Variants in CDH12 observed in about 807,000 individuals in gnomAD.
CDH12 encodes cadherin 12.
In CDH12, 41 loss-of-function variants were observed where a neutral mutation model predicts 74.1. The ratio of observed to expected loss-of-function variants is 0.55; its 90% CI spans 0.43 to 0.72. CDH12 has a LOEUF of 0.72. CDH12 is among the 30% of genes least tolerant of loss of function. The pLI, the probability that CDH12 is intolerant of heterozygous loss-of-function variation, is 0.00. For synonymous variants in CDH12, 399 were observed against 355.0 expected, an observed-to-expected ratio of 1.12 and a Z score of -1.39; for missense variants, 945 against 977.2, an observed-to-expected ratio of 0.97 and a Z score of 0.44.
chr5:21,905,470 G>A (rs145117976), intron 6 of CDH12, among the ~76,000 whole-genome samples: 45 of 152,254 alleles, frequency 3.0e-4, no homozygotes, highest in African/African-American at 1.0e-3. Flanking sequence ...TTTCCTCAGT[G>A]ATACATTGGA....
At position 22,366,163 on chromosome 5, in the gene CDH12, T is replaced by C. The variant is rs375246711; in HGVS notation, c.-333+39094A>G. On this transcript the variant is annotated intron_variant, in intron 3 of 14. Coordinates refer to ENST00000382254, the MANE Select transcript of CDH12 (RefSeq NM_004061.5). ...TAGTAGAGATGGGTTTTCACTGTGTTGACCAGGCTGGTGTTGAACTCCTGA... is the reference window on the plus strand; with the variant it reads ...TAGTAGAGATGGGTTTTCACTGTGTCGACCAGGCTGGTGTTGAACTCCTGA... Among the ~76,000 whole-genome samples, 5 of 152,282 alleles carry C rather than the reference T, an allele frequency of 3.3e-5. No individual in the cohort carries two copies. The South Asian group carries it at 1.0e-3, about 32-fold the overall frequency.
At chr5:22,681,433 T>C (rs1465092346) in intron 1 of CDH12, among the ~76,000 whole-genome samples, 1 of 152,010 alleles carries the variant, frequency 6.6e-6, no homozygotes, top group Non-Finnish European at 1.5e-5. Flanking sequence ...CATGCCTGAG[T>C]AGTATATTGT....
chr5:22,587,480 G>T (rs1740461974), intron 1 of CDH12, among the ~76,000 whole-genome samples: 1 of 152,158 alleles, frequency 6.6e-6, no homozygotes, highest in Non-Finnish European at 1.5e-5. Flanking sequence ...ATTTCATCAA[G>T]GGCTAGCTGT....
At chr5:22,817,154 G>C (rs1411547176) in intron 1 of CDH12, among the ~76,000 whole-genome samples, 2 of 151,968 alleles carry the variant, frequency 1.3e-5, no homozygotes, top group Non-Finnish European at 2.9e-5. Context: ...TATTAGAAAT[G>C]TATTATATAA....
intron 1 of CDH12, among the ~76,000 whole-genome samples, chr5:22,552,241 T>C (rs960588745): frequency 3.3e-5 from 5 of 152,140 alleles, no homozygotes; most frequent in African/African-American, 1.2e-4. Flanking sequence ...CCCAAGCTCA[T>C]GTTTTCCTAA....
intron 1 of CDH12, among the ~76,000 whole-genome samples, chr5:22,781,356 G>A (rs186797382): frequency 8.0e-4 from 122 of 152,280 alleles, no homozygotes; most frequent in Middle Eastern, 3.4e-3. Context: ...AATTGAAATT[G>A]GAAAGTGCCT....
chr5:21,995,960 C>G (rs1736262977), intron 5 of CDH12, among the ~76,000 whole-genome samples: 1 of 152,010 alleles, frequency 6.6e-6, no homozygotes, highest in Non-Finnish European at 1.5e-5. Flanking sequence ...GTCTTGAATC[C>G]TTCCCTGAGT....
chr5:22,109,617 C>A (rs1179091426), intron 4 of CDH12, among the ~76,000 whole-genome samples: 1 of 152,226 alleles, frequency 6.6e-6, no homozygotes, highest in East Asian at 1.9e-4. Flanking sequence ...AAGCACTTTA[C>A]AGTCCTTAAC....
At chr5:22,626,939 T>C (rs550991511) in intron 1 of CDH12, among the ~76,000 whole-genome samples, 2 of 152,080 alleles carry the variant, frequency 1.3e-5, no homozygotes, top group African/African-American at 4.8e-5. Context: ...AAAAACACTG[T>C]AAGAATTTCA....
At chr5:22,366,513 T>A (rs1394396631) in intron 3 of CDH12, among the ~76,000 whole-genome samples, 1 of 152,110 alleles carries the variant, frequency 6.6e-6, no homozygotes, top group East Asian at 1.9e-4. Context: ...GGAGATAAAG[T>A]TTAGAAAAAT....
intron 5 of CDH12, among the ~76,000 whole-genome samples, chr5:22,054,847 CT>C (rs1740629244): frequency 6.6e-6 from 1 of 152,108 alleles, no homozygotes; most frequent in Admixed American, 6.6e-5. Context: ...GACAGTGATA[CT>C]GTTTTAGACT....
At chr5:22,255,839 A>G (rs1417566173) in intron 3 of CDH12, among the ~76,000 whole-genome samples, 1 of 152,056 alleles carries the variant, frequency 6.6e-6, no homozygotes, top group Non-Finnish European at 1.5e-5. Context: ...TAACATCAGT[A>G]TAACTGTTAG....
rs559366191 is a variant in CDH12, at chr5:22,608,144, C to A, written c.-522-102780G>T. 8.9e-4 allele frequency among the ~76,000 whole-genome samples: 136 copies of A among 152,290 alleles called. 1 individual carries two copies. Among genetic ancestry groups the A allele is most frequent in the African/African-American group, 3.2e-3 (132 of 41,584 alleles). On this transcript the variant is annotated intron_variant, in intron 1 of 14. Coordinates refer to ENST00000382254, the MANE Select transcript of CDH12 (RefSeq NM_004061.5). ...AGCTTGCACCATGTGCCTGTAAAAG[C>A]TGCAGACACTCAATGCCAGCCCATA...
intron 1 of CDH12, among the ~76,000 whole-genome samples, chr5:22,700,559 T>C (rs1742663555): frequency 6.6e-6 from 1 of 152,244 alleles, no homozygotes; most frequent in African/African-American, 2.4e-5. Context: ...TGGCAAAGTT[T>C]CTTATCGCCT....
chr5:22,144,545 C>A (rs1372066598), intron 4 of CDH12, among the ~76,000 whole-genome samples: 2 of 151,984 alleles, frequency 1.3e-5, no homozygotes, highest in African/African-American at 4.8e-5. Context: ...AGATTTTGCA[C>A]TAAAAGTAAA....
intron 4 of CDH12, among the ~76,000 whole-genome samples, chr5:22,204,868 T>A (rs1751133559): frequency 6.6e-6 from 1 of 152,178 alleles, no homozygotes; most frequent in African/African-American, 2.4e-5. Flanking sequence ...TCAGGAGCTA[T>A]TTTTTGTGCA....
chr5:22,298,662 C>T (rs1373374), intron 3 of CDH12, among the ~76,000 whole-genome samples: 9,218 of 152,138 alleles, frequency 0.061, 473 homozygotes, highest in African/African-American at 0.14. Flanking sequence ...TCATTCACAC[C>T]ACCAGTTGGT....
intron 2 of CDH12, among the ~76,000 whole-genome samples, chr5:22,482,626 G>T: frequency 6.6e-6 from 1 of 151,964 alleles, no homozygotes; most frequent in East Asian, 1.9e-4. Flanking sequence ...AAAATTTTTA[G>T]CATAATATTA....
intron 3 of CDH12, among the ~76,000 whole-genome samples, chr5:22,249,375 C>T (rs1180654985): frequency 6.6e-6 from 1 of 151,940 alleles, no homozygotes; most frequent in Non-Finnish European, 1.5e-5. Context: ...AGCTGCGTGG[C>T]GGGAGGCGAT....
Sources: gnomAD v4.1 joint callset for allele counts (sites outside exome capture counted in the v4.1 genomes callset) on GRCh38, gnomAD v4.1.1 for gene constraint, MANE v1.5 for transcripts, NCBI Gene and HGNC (gene_info 2026-07-23, HGNC 2026-07-21) for gene names.